Variants in JADE3 observed in about 807,000 individuals in gnomAD.
JADE3 encodes the protein protein Jade-3.
Under a neutral mutation model 50.1 loss-of-function variants are expected in JADE3, and 2 were observed. The ratio of observed to expected loss-of-function variants is 0.04; its 90% CI spans 0.02 to 0.13. JADE3 has a LOEUF of 0.13. Ranked by LOEUF, JADE3 falls within the 10% of genes least tolerant of loss-of-function variation. The pLI is 1.00. For synonymous variants in JADE3, 218 were observed against 232.9 expected, an observed-to-expected ratio of 0.94 and a Z score of 0.58; for missense variants, 475 against 634.4, an observed-to-expected ratio of 0.75 and a Z score of 2.70.
chrX:46,957,307 ATGG>A (rs1254387476), intron 1 of JADE3, among the ~76,000 whole-genome samples: 4 of 112,058 alleles, frequency 3.6e-5, no homozygotes, highest in Non-Finnish European at 7.5e-5. Context: ...ATTTACATAA[ATGG>A]TGGTATTATG....
intron 4 of JADE3, among the ~76,000 whole-genome samples, chrX:47,020,329 T>C (rs1358532382): frequency 3.1e-5 from 3 of 97,692 alleles, no homozygotes; most frequent in African/African-American, 1.2e-4. Flanking sequence ...AGACTTGGTC[T>C]CAAAAAAAAA....
chrX:46,915,206 A>G (rs1422676432), intron 1 of JADE3, among the ~76,000 whole-genome samples: 1 of 111,734 alleles, frequency 8.9e-6, no homozygotes, highest in African/African-American at 3.3e-5. Flanking sequence ...GAGGGCTCTT[A>G]CAAGCCTTGA....
intron 4 of JADE3, among the ~76,000 whole-genome samples, chrX:47,008,380 A>G (rs981238892): frequency 1.8e-5 from 2 of 111,888 alleles, no homozygotes; most frequent in Non-Finnish European, 3.8e-5. Flanking sequence ...GAATATGACA[A>G]TTTGCCAAGG....
At position 47,059,120 on chromosome X, in the gene JADE3, T is replaced by C. The variant is rs1556374356; in HGVS notation, c.*43T>C. On this transcript the variant is annotated 3_prime_UTR_variant, in exon 11 of 11. Transcript: ENST00000614628. ...TGACCCAACCTTTGCCTTTGCCCCA[T>C]ATATTGGGGAAAACCCATACACCAA... 9 of 992,833 alleles carry C rather than the reference T, an allele frequency of 9.1e-6. No homozygotes were observed. The highest frequency in any genetic ancestry group is 5.6e-5 in the Admixed American group (2 of 35,643). The allele number at this position is 992,833 out of a possible 1,213,427, so 81.8% of individuals were successfully genotyped here. A position where few individuals can be genotyped will look rare whatever the true frequency, so the allele number is the denominator to read the frequency against.
chrX:47,024,324 A>C (rs1032142535), intron 4 of JADE3, among the ~76,000 whole-genome samples: 51 of 111,234 alleles, frequency 4.6e-4, no homozygotes, highest in Middle Eastern at 4.6e-3. Flanking sequence ...TCTCTTACCC[A>C]AAAAAAAATT....
chrX:46,950,288 T>A (rs1926974881), intron 1 of JADE3, among the ~76,000 whole-genome samples: 1 of 112,012 alleles, frequency 8.9e-6, no homozygotes, highest in South Asian at 3.7e-4. Context: ...TTGTACTCAT[T>A]TGCAGTCACT....
At chrX:46,945,279 T>C (rs1412659082) in intron 1 of JADE3, among the ~76,000 whole-genome samples, 4 of 111,130 alleles carry the variant, frequency 3.6e-5, no homozygotes, top group Non-Finnish European at 5.7e-5. Flanking sequence ...TTAGCTGTTA[T>C]AGTTCTCCAG....
intron 1 of JADE3, among the ~76,000 whole-genome samples, chrX:46,947,221 T>C (rs782174510): frequency 9.0e-6 from 1 of 111,372 alleles, no homozygotes. Flanking sequence ...GGTTTCACCA[T>C]GTTGGCCAGG....
At chrX:47,046,775 C>T (rs1929388085) in intron 8 of JADE3, among the ~76,000 whole-genome samples, 1 of 112,181 alleles carries the variant, frequency 8.9e-6, no homozygotes, top group African/African-American at 3.2e-5. Flanking sequence ...CGGTTTTTGT[C>T]CCTCATGCTG....
At chrX:46,986,612 G>A (rs1358982305) in intron 3 of JADE3, among the ~76,000 whole-genome samples, 3 of 112,030 alleles carry the variant, frequency 2.7e-5, no homozygotes, top group African/African-American at 9.7e-5. Flanking sequence ...AAAGGTATAG[G>A]TGAGTAGGTT....
chrX:46,997,603 A>G (rs918070188), intron 3 of JADE3, among the ~76,000 whole-genome samples: 2 of 112,410 alleles, frequency 1.8e-5, no homozygotes, highest in East Asian at 5.6e-4. Flanking sequence ...ATTAGTTAAT[A>G]GTATTATAGC....
intron 3 of JADE3, among the ~76,000 whole-genome samples, chrX:46,995,662 G>C (rs782511000): frequency 2.7e-5 from 3 of 111,875 alleles, no homozygotes; most frequent in African/African-American, 9.7e-5. Context: ...CTTATCAAAA[G>C]CGGGTTAATG....
intron 1 of JADE3, among the ~76,000 whole-genome samples, chrX:46,950,647 A>G (rs1480469928): frequency 8.9e-6 from 1 of 111,926 alleles, no homozygotes; most frequent in Non-Finnish European, 1.9e-5. Context: ...TCTCTTGGGT[A>G]GAATTTTAGG....
chrX:46,943,407 A>G (rs782362523), intron 1 of JADE3, among the ~76,000 whole-genome samples: 30 of 111,779 alleles, frequency 2.7e-4, no homozygotes, highest in Non-Finnish European at 4.7e-4. Context: ...TTTATCATGA[A>G]GAGATGTTGG....
At chrX:47,029,293 G>C (rs1928969074) in intron 6 of JADE3, among the ~76,000 whole-genome samples, 2 of 112,262 alleles carry the variant, frequency 1.8e-5, no homozygotes, top group Non-Finnish European at 3.8e-5. Context: ...GAGATGTCAA[G>C]TAAACCAGCA....
chrX:46,964,590 A>G (rs1927331635), intron 1 of JADE3, among the ~76,000 whole-genome samples: 1 of 111,838 alleles, frequency 8.9e-6, no homozygotes, highest in Non-Finnish European at 1.9e-5. Flanking sequence ...GGAGTAGAAA[A>G]AAGTCATCAC....
At chrX:47,045,523 A>G (rs1199883666) in intron 8 of JADE3, among the ~76,000 whole-genome samples, 1 of 112,887 alleles carries the variant, frequency 8.9e-6, no homozygotes, top group Non-Finnish European at 1.9e-5. Context: ...ATCAGACTTA[A>G]TCTGTACTGT....
At chrX:46,944,928 C>T (rs1926849551) in intron 1 of JADE3, among the ~76,000 whole-genome samples, 1 of 109,872 alleles carries the variant, frequency 9.1e-6, no homozygotes, top group Non-Finnish European at 1.9e-5. Context: ...AGTACAGCCT[C>T]GACCTCCTGG....
At chrX:46,979,359 G>A (rs1556352350) in intron 1 of JADE3, among the ~76,000 whole-genome samples, 6 of 112,216 alleles carry the variant, frequency 5.3e-5, no homozygotes, top group Non-Finnish European at 5.6e-5. Context: ...TCAGATGAGA[G>A]GAGTATCCAT....
Sources: gnomAD v4.1 joint callset for allele counts (sites outside exome capture counted in the v4.1 genomes callset) on GRCh38, gnomAD v4.1.1 for gene constraint, MANE v1.5 for transcripts, NCBI Gene and HGNC (gene_info 2026-07-23, HGNC 2026-07-21) for gene names.